Variants in STAB2 observed in about 807,000 individuals in gnomAD.
STAB2 encodes stabilin-2.
Under a neutral mutation model 338.1 loss-of-function variants are expected in STAB2, and 288 were observed. The observed-to-expected ratio is 0.85, with a 90% CI of 0.77 to 0.94. The LOEUF (loss-of-function observed/expected upper bound fraction) is 0.94. Among genes scored for constraint, STAB2 ranks in the 40% least tolerant of loss-of-function variants. The pLI is 0.00. For missense variants in STAB2, 3,141 were observed against 3,210.1 expected (o/e 0.98, Z 0.52); for synonymous variants, 1,202 against 1,193.3 (o/e 1.01, Z -0.15).
intron 3 of STAB2, among the ~76,000 whole-genome samples, chr12:103,606,655 A>G (rs1957032451): frequency 2.0e-5 from 3 of 152,186 alleles, no homozygotes; most frequent in Admixed American, 2.0e-4. Context: ...GGTAATTTAA[A>G]GATGTTTCCC....
intron 35 of STAB2, among the ~76,000 whole-genome samples, chr12:103,703,778 T>G (rs1272740608): frequency 6.6e-6 from 1 of 152,194 alleles, no homozygotes; most frequent in Non-Finnish European, 1.5e-5. Context: ...TGTAGGACCT[T>G]TCAACAATAA....
chr12:103,630,272 A>G (rs1160289012), intron 5 of STAB2, among the ~76,000 whole-genome samples: 6 of 152,236 alleles, frequency 3.9e-5, no homozygotes, highest in Admixed American at 3.9e-4. Context: ...GGTGGGAGAC[A>G]GAGACAGAGA....
At chr12:103,603,798 C>G (rs1202215127) in intron 3 of STAB2, among the ~76,000 whole-genome samples, 2 of 152,186 alleles carry the variant, frequency 1.3e-5, no homozygotes, top group African/African-American at 4.8e-5. Flanking sequence ...TCAATAGATG[C>G]ATTTAGGGAG....
Position 103,674,000 on chromosome 12 carries a change from T to C in STAB2, c.2465T>C (p.Leu822Pro). Residue 822 changes from leucine (L) to proline (P), a missense_variant, in exon 23 of 69, where the codon CTC (leucine) becomes CCC (proline). Physicochemically the swap from Leu to Pro is moderately conservative, Grantham distance 98. Coordinates refer to ENST00000388887, the MANE Select transcript of STAB2 (RefSeq NM_017564.10). ...GTCRDGSAGR[L>P]CDKQTSACGP... ...TGCAGAGACGGCTCTGCCGGGAGACTCTGTGATAAGCAGACCTCAGCCTGT... is the reference window on the plus strand; with the variant it reads ...TGCAGAGACGGCTCTGCCGGGAGACCCTGTGATAAGCAGACCTCAGCCTGT... 2 of 1,614,074 alleles carry C rather than the reference T, an allele frequency of 1.2e-6. No individual in the cohort carries two copies. Among genetic ancestry groups the C allele is most frequent in the East Asian group, 2.2e-5 (1 of 44,880 alleles).
intron 42 of STAB2, 49 bp downstream of exon 42, chr12:103,713,817 C>T: frequency 6.2e-7 from 1 of 1,606,236 alleles, no homozygotes; most frequent in Non-Finnish European, 8.5e-7. Flanking sequence ...AGAGTCATAG[C>T]CCTATTAAAT....
At chr12:103,627,267 T>A (rs1957395315) in intron 5 of STAB2, among the ~76,000 whole-genome samples, 1 of 152,102 alleles carries the variant, frequency 6.6e-6, no homozygotes. Flanking sequence ...GTGAAGTGGA[T>A]CCTAAGAGTG....
At chr12:103,724,049 G>A (rs186767572) in intron 44 of STAB2, among the ~76,000 whole-genome samples, 14 of 152,176 alleles carry the variant, frequency 9.2e-5, no homozygotes, top group East Asian at 3.9e-4. Context: ...TGCCACGGAC[G>A]GCAACATCAA....
intron 5 of STAB2, among the ~76,000 whole-genome samples, chr12:103,630,990 T>C (rs562328934): frequency 2.1e-4 from 32 of 152,256 alleles, no homozygotes; most frequent in East Asian, 3.9e-4. Context: ...TGGCCTAGCC[T>C]GATAGTAAAT....
intron 3 of STAB2, among the ~76,000 whole-genome samples, chr12:103,610,815 G>T (rs1957110951): frequency 6.6e-6 from 1 of 152,090 alleles, no homozygotes; most frequent in African/African-American, 2.4e-5. Context: ...GCTTTCTCTT[G>T]TTGGCATTTA....
At chr12:103,680,296 A>G (rs1358535397) in intron 25 of STAB2, among the ~76,000 whole-genome samples, 1 of 152,242 alleles carries the variant, frequency 6.6e-6, no homozygotes, top group Non-Finnish European at 1.5e-5. Flanking sequence ...TCTCATACAT[A>G]TATTTACTTC....
chr12:103,609,435 T>C (rs1044142721), intron 3 of STAB2, among the ~76,000 whole-genome samples: 1 of 152,220 alleles, frequency 6.6e-6, no homozygotes, highest in Non-Finnish European at 1.5e-5. Flanking sequence ...AGGTATTTTA[T>C]TCTCTTTGAA....
chr12:103,711,436 A>C (rs748607002), intron 39 of STAB2, 35 bp from the exon 40 acceptor site: 1 of 1,613,680 alleles, frequency 6.2e-7, no homozygotes, highest in Non-Finnish European at 8.5e-7. Flanking sequence ...AGATTTAGTA[A>C]GAGGGCTAAG....
At chr12:103,620,828 T>C (rs577321883) in intron 4 of STAB2, among the ~76,000 whole-genome samples, 1 of 152,320 alleles carries the variant, frequency 6.6e-6, no homozygotes, top group East Asian at 1.9e-4. Flanking sequence ...CTGGGAGCAG[T>C]GGCTTACGCC....
intron 18 of STAB2, 32 bp downstream of exon 18, chr12:103,663,030 C>G: frequency 6.2e-7 from 1 of 1,612,462 alleles, no homozygotes; most frequent in Non-Finnish European, 8.5e-7. Flanking sequence ...GTAAGGGCCC[C>G]AAACAGCCCC....
intron 51 of STAB2, among the ~76,000 whole-genome samples, chr12:103,734,923 A>G (rs774452485): frequency 4.6e-5 from 7 of 152,150 alleles, no homozygotes; most frequent in Non-Finnish European, 1.0e-4. Flanking sequence ...CTCTGCCATC[A>G]CAGGACTGTC....
At chr12:103,680,096 A>G (rs547700618) in intron 25 of STAB2, among the ~76,000 whole-genome samples, 2 of 152,318 alleles carry the variant, frequency 1.3e-5, no homozygotes, top group South Asian at 4.1e-4. Flanking sequence ...AGAGACAGAA[A>G]GGAGAATGGT....
intron 5 of STAB2, 41 bp downstream of exon 5, chr12:103,622,152 T>C: frequency 6.3e-7 from 1 of 1,599,076 alleles, no homozygotes; most frequent in Non-Finnish European, 8.6e-7. Context: ...TTGTAAGGGT[T>C]GACAGTCCAT....
intron 30 of STAB2, among the ~76,000 whole-genome samples, chr12:103,690,753 T>C (rs556860776): frequency 2.0e-5 from 3 of 152,326 alleles, no homozygotes; most frequent in East Asian, 3.9e-4. Context: ...CTCTAAAATG[T>C]GGCCTTCTGC....
intron 55 of STAB2, among the ~76,000 whole-genome samples, chr12:103,741,120 G>A (rs2139121737): frequency 6.6e-6 from 1 of 152,198 alleles, no homozygotes. Context: ...CCCTTGGCAG[G>A]TGATGTACTG....
Sources: allele counts gnomAD v4.1 joint callset (sites outside exome capture counted in the v4.1 genomes callset), GRCh38; gene constraint gnomAD v4.1.1; transcripts MANE v1.5; gene names NCBI Gene and HGNC (gene_info 2026-07-23, HGNC 2026-07-21).